The following KIRREL3 variants were observed in gnomAD, a reference collection of about 807,000 sequenced individuals.
KIRREL3 encodes kin of IRRE-like protein 3.
In KIRREL3, 36 loss-of-function variants were observed where a neutral mutation model predicts 89.7. The ratio of observed to expected loss-of-function variants is 0.40; its 90% CI spans 0.31 to 0.53. The LOEUF (loss-of-function observed/expected upper bound fraction) is 0.53. KIRREL3 is among the 20% of genes least tolerant of loss of function. The pLI, the probability that KIRREL3 is intolerant of heterozygous loss-of-function variation, is 0.49. For missense variants in KIRREL3, 864 were observed against 1,056.6 expected, an observed-to-expected ratio of 0.82 and a Z score of 2.53; for synonymous variants, 445 against 441.4, an observed-to-expected ratio of 1.01 and a Z score of -0.10.
chr11:126,556,452 G>A (rs1387952044), intron 2 of KIRREL3, among the ~76,000 whole-genome samples: 1 of 152,094 alleles, frequency 6.6e-6, no homozygotes, highest in African/African-American at 2.4e-5. Context: ...ACCAGTCTGG[G>A]CAACATAGTG....
Position 126,676,695 on chromosome 11 carries a change from A to G in KIRREL3, c.56-113783T>C, listed in dbSNP as rs74531124. Among the ~76,000 whole-genome samples, 821 of 151,990 alleles carry G rather than the reference A, an allele frequency of 5.4e-3. 6 individuals carry two copies. Among genetic ancestry groups the G allele is most frequent in the African/African-American group, 0.019 (793 of 41,458 alleles). The stretch of plus-strand genomic sequence containing the variant: ...CTTGGCCTCCCTAAGCCAAAGATGC[A>G]TCTGGGCCCCATATGCGACCCAGGG... On this transcript the variant is annotated intron_variant, in intron 1 of 16. Transcript: ENST00000525144. The surrounding 1 kb of genome is among the most constrained non-coding windows in gnomAD (Gnocchi z 4.5).
rs367964064 is a variant in KIRREL3 at position 126,702,219 on chromosome 11, G to A, written c.56-139307C>T. On this transcript the variant is annotated intron_variant, in intron 1 of 16. Coordinates refer to ENST00000525144, the MANE Select transcript of KIRREL3 (RefSeq NM_032531.4). The stretch of plus-strand genomic sequence containing the variant: ...TTGTGAGAATTTAATGATAATGCAT[G>A]TAAAATGCCTAGCAGGGGCCTGTCA... Among the ~76,000 whole-genome samples, 22 of 152,310 alleles carry A rather than the reference G, an allele frequency of 1.4e-4. No individual in the cohort carries two copies. In the East Asian group the frequency reaches 2.3e-3, roughly 16 times the overall value.
intron 1 of KIRREL3, among the ~76,000 whole-genome samples, chr11:126,899,807 T>C (rs1205892849): frequency 6.6e-6 from 1 of 152,202 alleles, no homozygotes; most frequent in Admixed American, 6.5e-5. Context: ...ACCATGTAGT[T>C]TACAAGTAAT....
Position 126,614,025 on chromosome 11 carries a change from G to A in KIRREL3, c.56-51113C>T, listed in dbSNP as rs1215052821. 6.6e-6 allele frequency among the ~76,000 whole-genome samples: 1 copy of A among 151,850 alleles called. No homozygotes were observed. Reference sequence around the variant, plus strand: ...CTTTTGGCTCTTGATTTATGATGAGGTTCTTTTCTGTGTAATTCTTTTGGC... The same window carrying A: ...CTTTTGGCTCTTGATTTATGATGAGATTCTTTTCTGTGTAATTCTTTTGGC... On this transcript the variant is annotated intron_variant, in intron 1 of 16. Coordinates refer to ENST00000525144, the MANE Select transcript of KIRREL3 (RefSeq NM_032531.4). The surrounding 1 kb of genome is among the most constrained non-coding windows in gnomAD (Gnocchi z 4.6).
At chr11:126,675,115 T>C (rs1429810107) in intron 1 of KIRREL3, among the ~76,000 whole-genome samples, 1 of 152,184 alleles carries the variant, frequency 6.6e-6, no homozygotes, top group Non-Finnish European at 1.5e-5. Flanking sequence ...CTGGGGAGAA[T>C]GATGTCAGCA....
chr11:126,759,072 A>T (rs1173214016), intron 1 of KIRREL3, among the ~76,000 whole-genome samples: 2 of 152,198 alleles, frequency 1.3e-5, no homozygotes, highest in African/African-American at 2.4e-5. Flanking sequence ...CCTTCTGCAT[A>T]CAGGAAGAAA....
In KIRREL3 at chr11:126,454,194, T is replaced by C. The variant is rs1201955711; in HGVS notation, c.848+2155A>G. Among the ~76,000 whole-genome samples the C allele has an allele frequency of 6.6e-6, 1 of 152,170 alleles. No homozygotes were observed. The highest frequency in any genetic ancestry group is 2.1e-4 in the South Asian group (1 of 4,824). On this transcript the variant is annotated intron_variant, in intron 7 of 16. Transcript: ENST00000525144. This position sits in a 1 kb window ranked among gnomAD's most constrained non-coding sequence, Gnocchi z 5.8. ...TCTTTCCTATTATTGCTGTTCTGCTTTTTTGAGGTTGGTGACCCTGGGAAT... is the reference window on the plus strand; with the variant it reads ...TCTTTCCTATTATTGCTGTTCTGCTCTTTTGAGGTTGGTGACCCTGGGAAT...
Position 126,797,820 on chromosome 11 carries a change from T to C in KIRREL3, c.55+202635A>G, listed in dbSNP as rs1310540661. Among the ~76,000 whole-genome samples, 2 of 152,220 alleles carry C rather than the reference T, an allele frequency of 1.3e-5. No individual in the cohort carries two copies. The highest frequency in any genetic ancestry group is 2.9e-5 in the Non-Finnish European group (2 of 68,036). ...TAAATCAGAAGCACCGGGAGCAATTTATTTCTAAACATCAACACTCCAGAA... is the reference window on the plus strand; with the variant it reads ...TAAATCAGAAGCACCGGGAGCAATTCATTTCTAAACATCAACACTCCAGAA... On this transcript the variant is annotated intron_variant, in intron 1 of 16. Transcript: ENST00000525144. This position sits in a 1 kb window ranked among gnomAD's most constrained non-coding sequence, Gnocchi z 4.9.
At chr11:126,649,130 A>G (rs895085193) in intron 1 of KIRREL3, among the ~76,000 whole-genome samples, 2 of 152,174 alleles carry the variant, frequency 1.3e-5, no homozygotes, top group Non-Finnish European at 2.9e-5. Context: ...CACTACCCCT[A>G]GAACAGTAAG....
rs978942835 is a variant in KIRREL3 at position 126,892,163 on chromosome 11, C to A, written c.55+108292G>T. 3.1e-4 allele frequency among the ~76,000 whole-genome samples: 47 copies of A among 152,170 alleles called. No individual in the cohort carries two copies. The highest frequency in any genetic ancestry group is 9.7e-4 in the African/African-American group (40 of 41,436). On this transcript the variant is annotated intron_variant, in intron 1 of 16. Coordinates refer to ENST00000525144, the MANE Select transcript of KIRREL3 (RefSeq NM_032531.4). The surrounding 1 kb of genome is among the most constrained non-coding windows in gnomAD (Gnocchi z 5.4). ...TTCCAATAATTTTTAGCAGTAGAAG[C>A]TTTCCTTTCCTAATTGAAATTTTAC...
Position 126,764,514 on chromosome 11 carries a change from A to G in KIRREL3, c.56-201602T>C, listed in dbSNP as rs1246899139. ...TCATCATATGCGCCTCTGATGCTCA[A>G]CAACCTTCTTTGCTGCACCCGCCGC... is the stretch of plus-strand genomic sequence containing the variant. On this transcript the variant is annotated intron_variant, in intron 1 of 16. Coordinates refer to ENST00000525144, the MANE Select transcript of KIRREL3 (RefSeq NM_032531.4). This position sits in a 1 kb window ranked among gnomAD's most constrained non-coding sequence, Gnocchi z 4.2. 6.6e-6 allele frequency among the ~76,000 whole-genome samples: 1 copy of G among 152,128 alleles called. No individual in the cohort carries two copies. The highest frequency in any genetic ancestry group is 1.5e-5 in the Non-Finnish European group (1 of 68,016).
rs959028308 is a variant in KIRREL3, at chr11:126,643,857, G to A, written c.56-80945C>T. 1.3e-5 allele frequency among the ~76,000 whole-genome samples: 2 copies of A among 152,212 alleles called. No homozygotes were observed. The highest frequency in any genetic ancestry group is 2.9e-5 in the Non-Finnish European group (2 of 68,038). On this transcript the variant is annotated intron_variant, in intron 1 of 16. Coordinates refer to ENST00000525144, the MANE Select transcript of KIRREL3 (RefSeq NM_032531.4). This position sits in a 1 kb window ranked among gnomAD's most constrained non-coding sequence, Gnocchi z 4.5. ...GAATGAGGGGAGGAAGAGCAAAGCT[G>A]ACCCTGAGCATTTAGGGAGAAAGAA...
Position 126,694,115 on chromosome 11 carries a change from G to A in KIRREL3, c.56-131203C>T, listed in dbSNP as rs1369472303. Among the ~76,000 whole-genome samples the A allele has an allele frequency of 6.6e-6, 1 of 152,248 alleles. No homozygotes were observed. Among genetic ancestry groups the A allele is most frequent in the East Asian group, 1.9e-4 (1 of 5,194 alleles). On this transcript the variant is annotated intron_variant, in intron 1 of 16. Transcript: ENST00000525144. The surrounding 1 kb of genome is among the most constrained non-coding windows in gnomAD (Gnocchi z 4.4). ...AAGTTGCAGCAGGAGATGGGAGCAT[G>A]GGCTCCATCCCTAAGGGAGCCACAT...
rs1948823434 is a variant in KIRREL3 at position 126,953,347 on chromosome 11, G to A, written c.55+47108C>T. ...GGGCTTGTTGTGGGGTGGGGGGCTA[G>A]GGGAGAGATAGCATTAGGAGAAATA... is the stretch of plus-strand genomic sequence containing the variant. On this transcript the variant is annotated intron_variant, in intron 1 of 16. Transcript: ENST00000525144. This position sits in a 1 kb window ranked among gnomAD's most constrained non-coding sequence, Gnocchi z 5.2. Among the ~76,000 whole-genome samples the A allele has an allele frequency of 6.6e-6, 1 of 152,200 alleles. No homozygotes were observed. Among genetic ancestry groups the A allele is most frequent in the Non-Finnish European group, 1.5e-5 (1 of 68,010 alleles).
At chr11:126,630,027 C>T (rs957670770) in intron 1 of KIRREL3, among the ~76,000 whole-genome samples, 2 of 152,212 alleles carry the variant, frequency 1.3e-5, no homozygotes, top group Admixed American at 1.3e-4. Context: ...AGACTGGTTC[C>T]TTCGCACCAG....
At chr11:126,777,870 C>T (rs926052909) in intron 1 of KIRREL3, among the ~76,000 whole-genome samples, 3 of 152,060 alleles carry the variant, frequency 2.0e-5, no homozygotes, top group Admixed American at 6.5e-5. Flanking sequence ...GTTGAATCAT[C>T]GTTGTATACC....
rs944109788 is a variant in KIRREL3 at position 126,978,055 on chromosome 11, G to A, written c.55+22400C>T. 6.6e-6 allele frequency among the ~76,000 whole-genome samples: 1 copy of A among 152,102 alleles called. No homozygotes were observed. The highest frequency in any genetic ancestry group is 1.5e-5 in the Non-Finnish European group (1 of 68,028). On this transcript the variant is annotated intron_variant, in intron 1 of 16. Transcript: ENST00000525144. This position sits in a 1 kb window ranked among gnomAD's most constrained non-coding sequence, Gnocchi z 4.2. ...TACTGACAGCCTCCTTCTCCAGCAC[G>A]GCAGCCCACCAAAAGTGCCTCCTTC...
Position 126,571,212 on chromosome 11 carries a change from C to T in KIRREL3, c.56-8300G>A, listed in dbSNP as rs967902809. On this transcript the variant is annotated intron_variant, in intron 1 of 16. Coordinates refer to ENST00000525144, the MANE Select transcript of KIRREL3 (RefSeq NM_032531.4). This position sits in a 1 kb window ranked among gnomAD's most constrained non-coding sequence, Gnocchi z 7.7. ...CTTGCCTAGCTCTTATCATCTTTCT[C>T]TCCTTGGAGGGCTGGGTTCCTCCCC... is the stretch of plus-strand genomic sequence containing the variant. Among the ~76,000 whole-genome samples, 2 of 152,204 alleles carry T rather than the reference C, an allele frequency of 1.3e-5. No individual in the cohort carries two copies. Among genetic ancestry groups the T allele is most frequent in the African/African-American group, 4.8e-5 (2 of 41,444 alleles).
intron 1 of KIRREL3, among the ~76,000 whole-genome samples, chr11:126,567,579 C>T (rs1940605117): frequency 6.6e-6 from 1 of 152,188 alleles, no homozygotes; most frequent in Non-Finnish European, 1.5e-5. Context: ...GGAACCCAGC[C>T]CCCAGAGCAC....
Sources: gnomAD v4.1 joint callset for allele counts (sites outside exome capture counted in the v4.1 genomes callset) on GRCh38, gnomAD v4.1.1 for gene constraint, Gnocchi (gnomAD v3.1) non-coding constraint, MANE v1.5 for transcripts, NCBI Gene and HGNC (gene_info 2026-07-23, HGNC 2026-07-21) for gene names.